MOXD1: variants seen among roughly 807,000 people sequenced by gnomAD.
The protein encoded by MOXD1 is DBH-like monooxygenase protein 1.
MOXD1 carries 62 observed loss-of-function variants against 66.6 expected under a neutral mutation model. That is an observed-to-expected ratio of 0.93 (90% CI 0.76 to 1.15). MOXD1 has a LOEUF of 1.15. Among genes scored for constraint, MOXD1 ranks in the 50% most tolerant of loss-of-function variants. The pLI, the probability that MOXD1 is intolerant of heterozygous loss-of-function variation, is 0.00. For missense variants in MOXD1, 847 were observed against 754.6 expected, an observed-to-expected ratio of 1.12 and a Z score of -1.44; for synonymous variants, 303 against 281.9, an observed-to-expected ratio of 1.07 and a Z score of -0.75.
At chr6:132,377,727 A>G (rs576251755) in intron 1 of MOXD1, among the ~76,000 whole-genome samples, 1 of 152,370 alleles carries the variant, frequency 6.6e-6, no homozygotes, top group East Asian at 1.9e-4. Context: ...GCAGTTGTCT[A>G]AAAGAAGCTC....
At chr6:132,356,431 C>G (rs1427869455) in intron 4 of MOXD1, among the ~76,000 whole-genome samples, 2 of 152,122 alleles carry the variant, frequency 1.3e-5, no homozygotes, top group Non-Finnish European at 2.9e-5. Flanking sequence ...TATTCACATA[C>G]AGCTAGTGTG....
chr6:132,388,229 G>A (rs929943692), intron 1 of MOXD1, among the ~76,000 whole-genome samples: 1 of 151,206 alleles, frequency 6.6e-6, no homozygotes, highest in East Asian at 1.9e-4. Context: ...ACTCTCCTAA[G>A]AATTTTACAT....
chr6:132,397,620 G>C (rs1776914808), intron 1 of MOXD1, among the ~76,000 whole-genome samples: 1 of 145,530 alleles, frequency 6.9e-6, no homozygotes, highest in Non-Finnish European at 1.5e-5. Context: ...CACAGAGAGA[G>C]AGAGAGAGAG....
intron 4 of MOXD1, among the ~76,000 whole-genome samples, chr6:132,345,387 A>G (rs1239888681): frequency 6.6e-6 from 1 of 152,170 alleles, no homozygotes; most frequent in Non-Finnish European, 1.5e-5. Context: ...TGCTGGCCTC[A>G]CAGAATAAAT....
chr6:132,307,545 C>T (rs1283587989), intron 10 of MOXD1, among the ~76,000 whole-genome samples: 1 of 152,184 alleles, frequency 6.6e-6, no homozygotes, highest in East Asian at 1.9e-4. Context: ...GAACTGTCTA[C>T]CTGAAATCAA....
chr6:132,370,026 A>G (rs1173220705), intron 4 of MOXD1, among the ~76,000 whole-genome samples: 1 of 152,106 alleles, frequency 6.6e-6, no homozygotes, highest in Non-Finnish European at 1.5e-5. Context: ...ATATTCTTAA[A>G]ACTCACTGCA....
intron 10 of MOXD1, among the ~76,000 whole-genome samples, chr6:132,306,658 G>C (rs1028441133): frequency 1.3e-5 from 2 of 152,176 alleles, no homozygotes; most frequent in African/African-American, 4.8e-5. Context: ...ACTAACAGTG[G>C]ACCTCTCAGC....
intron 4 of MOXD1, among the ~76,000 whole-genome samples, chr6:132,333,154 G>T (rs1184932883): frequency 6.6e-6 from 1 of 151,954 alleles, no homozygotes; most frequent in African/African-American, 2.4e-5. Context: ...GGCTAACAAG[G>T]TGAAACCCCG....
intron 4 of MOXD1, among the ~76,000 whole-genome samples, chr6:132,357,917 A>G (rs1311446490): frequency 2.0e-5 from 3 of 152,190 alleles, no homozygotes; most frequent in African/African-American, 7.2e-5. Context: ...TTCTGCAACC[A>G]TGAAATAAAA....
intron 4 of MOXD1, among the ~76,000 whole-genome samples, chr6:132,357,133 G>C (rs1263760369): frequency 6.6e-6 from 1 of 151,980 alleles, no homozygotes; most frequent in Non-Finnish European, 1.5e-5. Context: ...TTAAAAGCCA[G>C]TCCAGAAGCA....
intron 10 of MOXD1, among the ~76,000 whole-genome samples, chr6:132,306,395 A>G (rs536312628): frequency 6.6e-6 from 1 of 152,294 alleles, no homozygotes; most frequent in African/African-American, 2.4e-5. Flanking sequence ...TCATTGGAGT[A>G]CCAGAAGGAG....
intron 10 of MOXD1, among the ~76,000 whole-genome samples, chr6:132,309,472 T>C (rs1473559097): frequency 6.6e-6 from 1 of 152,236 alleles, no homozygotes; most frequent in Admixed American, 6.5e-5. Flanking sequence ...TTCAACGCTA[T>C]TTCCATCAAA....
At position 132,374,696 on chromosome 6, in the gene MOXD1, T is replaced by C; in HGVS notation, c.346A>G (p.Thr116Ala). 1 of 1,613,996 alleles carries C rather than the reference T, an allele frequency of 6.2e-7. No individual in the cohort carries two copies. Among genetic ancestry groups the C allele is most frequent in the Non-Finnish European group, 8.5e-7 (1 of 1,179,932 alleles). ...YHLEYAMENSTHTIIEFTREL... is the reference protein window; with the variant it reads ...YHLEYAMENSAHTIIEFTREL... ...CTGGTAAATTCAATTATTGTGTGTG[T>C]GCTATTTTCCATGGCATATTCTAGA... The change falls in exon 2 of 12, where the codon ACA (threonine) becomes GCA (alanine). Residue 116 changes from threonine (T) to alanine (A), a missense_variant. By Grantham distance (58) the Thr-to-Ala change is moderately conservative. Coordinates refer to ENST00000367963, the MANE Select transcript of MOXD1 (RefSeq NM_015529.4).
chr6:132,317,231 T>C (rs185713438), intron 9 of MOXD1, among the ~76,000 whole-genome samples: 21 of 152,268 alleles, frequency 1.4e-4, no homozygotes, highest in Admixed American at 5.9e-4. Context: ...AAAAACTTAA[T>C]ATTGTTTATA....
At chr6:132,303,768 T>C (rs9399016) in intron 10 of MOXD1, among the ~76,000 whole-genome samples, 6,505 of 127,514 alleles carry the variant, frequency 0.051, 530 homozygotes, top group East Asian at 0.33. Context: ...TATATATATA[T>C]ACATACATAT....
intron 9 of MOXD1, among the ~76,000 whole-genome samples, chr6:132,318,891 G>A (rs627460): frequency 0.16 from 23,838 of 151,884 alleles, 2,106 homozygotes; most frequent in Non-Finnish European, 0.21. Flanking sequence ...ATAGCCATTA[G>A]TGCCAGCATC....
chr6:132,313,475 G>A (rs1228839779), intron 10 of MOXD1, among the ~76,000 whole-genome samples: 1 of 152,176 alleles, frequency 6.6e-6, no homozygotes, highest in Middle Eastern at 3.2e-3. Context: ...AATTCAAAAA[G>A]AGGAGTGGGT....
intron 4 of MOXD1, among the ~76,000 whole-genome samples, chr6:132,348,059 C>A (rs567834066): frequency 6.6e-6 from 1 of 152,222 alleles, no homozygotes; most frequent in African/African-American, 2.4e-5. Context: ...TAGGTAGATA[C>A]CCCCGACTCC....
chr6:132,369,265 C>T (rs1192430838), intron 4 of MOXD1, among the ~76,000 whole-genome samples: 1 of 152,042 alleles, frequency 6.6e-6, no homozygotes, highest in Non-Finnish European at 1.5e-5. Context: ...TAGTGCGGCA[C>T]GTTGCTGTCA....
Sources: gnomAD v4.1 joint callset for allele counts (sites outside exome capture counted in the v4.1 genomes callset) on GRCh38, gnomAD v4.1.1 for gene constraint, MANE v1.5 for transcripts, NCBI Gene and HGNC (gene_info 2026-07-23, HGNC 2026-07-21) for gene names.